Variants in MICAL1 observed in about 807,000 individuals in gnomAD.
The protein encoded by MICAL1 is [F-actin]-monooxygenase MICAL1.
MICAL1 carries 95 observed loss-of-function variants against 131.8 expected under a neutral mutation model. The observed-to-expected ratio is 0.72, with a 90% CI of 0.61 to 0.86. MICAL1 has a LOEUF of 0.86. MICAL1 is among the 40% of genes least tolerant of loss of function. MICAL1 has a pLI of 0.00. For missense variants in MICAL1, 1,292 were observed against 1,380.6 expected (o/e 0.94, Z 1.02); for synonymous variants, 546 against 554.2 (o/e 0.99, Z 0.21).
At chr6:109,462,074 CACATGTTGATGTCCTAAT>C (rs1775902038) in intron 1 of MICAL1, among the ~76,000 whole-genome samples, 1 of 152,220 alleles carries the variant, frequency 6.6e-6, no homozygotes, top group African/African-American at 2.4e-5. Context: ...ACTCCAAATT[CACATGTTGATGTCCTAAT>C]ACCCAGCATC....
In MICAL1 at chr6:109,445,892, C is replaced by T. The variant is rs781315464; in HGVS notation, c.2582-30G>A. 18 of 1,578,178 alleles carry T rather than the reference C, an allele frequency of 1.1e-5. No homozygotes were observed. In the South Asian group the frequency reaches 1.5e-4, roughly 13 times the overall value. On this transcript the variant is annotated intron_variant, in intron 19 of 24. Coordinates refer to ENST00000358807, the MANE Select transcript of MICAL1 (RefSeq NM_022765.4). Reference sequence around the variant, plus strand: ...GAAGAAGAACTGAGACGTTCTACTGCCTCCAGCGCCTGCCCCAGTCAGGCA... The same window carrying T: ...GAAGAAGAACTGAGACGTTCTACTGTCTCCAGCGCCTGCCCCAGTCAGGCA...
intron 24 of MICAL1, 70 bp downstream of exon 24, chr6:109,444,655 G>A: frequency 1.9e-6 from 3 of 1,544,104 alleles, no homozygotes; most frequent in Non-Finnish European, 2.7e-6. Context: ...TGCTTGGTCA[G>A]TATCTGAGAT....
intron 11 of MICAL1, 94 bp downstream of exon 11, chr6:109,449,306 C>G: frequency 4.4e-6 from 6 of 1,350,384 alleles, no homozygotes; most frequent in Admixed American, 1.7e-5. Flanking sequence ...GCACGCTGCT[C>G]CTGTCCTGAG....
chr6:109,449,789 G>A lies in MICAL1; in HGVS notation c.1308-6C>T, dbSNP rs1378769659. On this transcript the variant is annotated splice_polypyrimidine_tract_variant and splice_region_variant and intron_variant, in intron 9 of 24. Coordinates refer to ENST00000358807, the MANE Select transcript of MICAL1 (RefSeq NM_022765.4). Reference sequence around the variant, plus strand: ...GAAGCTGGTACAGGCTCTCACTGAGGGGGTGAGGGTAAGGGGCAGGGGCAT... The same window carrying A: ...GAAGCTGGTACAGGCTCTCACTGAGAGGGTGAGGGTAAGGGGCAGGGGCAT... 4.4e-6 allele frequency: 7 copies of A among 1,607,260 alleles called. No homozygotes were observed. In the African/African-American group the frequency reaches 6.7e-5, roughly 15 times the overall value.
chr6:109,455,994 C>G, upstream of MICAL1: 1 of 985,954 alleles, frequency 1.0e-6, no homozygotes, highest in Non-Finnish European at 1.2e-6. The surrounding 1 kb of genome is among the most constrained non-coding windows in gnomAD (Gnocchi z 4.7). Context: ...TGGGCCCGCC[C>G]ATGCCTGCAG....
At chr6:109,452,697 C>T in intron 4 of MICAL1, 82 bp from the exon 5 acceptor site, 1 of 1,018,810 alleles carries the variant, frequency 9.8e-7, no homozygotes, top group Non-Finnish European at 1.4e-6. Flanking sequence ...GTGAAATCAT[C>T]AAAACGTGTA....
At chr6:109,462,356 C>T (rs1028779931) in intron 1 of MICAL1, among the ~76,000 whole-genome samples, 1 of 152,140 alleles carries the variant, frequency 6.6e-6, no homozygotes, top group African/African-American at 2.4e-5. Flanking sequence ...ATATACCAGT[C>T]ATGAACAGAG....
intron 11 of MICAL1, 38 bp downstream of exon 11, chr6:109,449,362 C>T: frequency 6.2e-7 from 1 of 1,606,514 alleles, no homozygotes; most frequent in Non-Finnish European, 8.5e-7. Context: ...CTGGGTAGTA[C>T]ATATTTTGGT....
At chr6:109,460,894 G>A (rs1019061747) in intron 1 of MICAL1, among the ~76,000 whole-genome samples, 3 of 152,034 alleles carry the variant, frequency 2.0e-5, no homozygotes, top group Non-Finnish European at 4.4e-5. Context: ...CACTTACAGA[G>A]GCTCCTGTTA....
intron 6 of MICAL1, chr6:109,451,939 C>T (rs1472497687): frequency 2.9e-6 from 4 of 1,392,166 alleles, no homozygotes; most frequent in African/African-American, 1.5e-5. Context: ...GGGAGACCTG[C>T]ACCACCTGGT....
chr6:109,451,709 A>G lies in MICAL1; in HGVS notation c.833-9T>C. On this transcript the variant is annotated splice_polypyrimidine_tract_variant and intron_variant, in intron 6 of 24. Transcript: ENST00000358807. ...GTTCTCCAGATCAATGCCTGGGGGT[A>G]CAGGGCAGGGGACAGTAGATATGTC... 2 of 1,613,590 alleles carry G rather than the reference A, an allele frequency of 1.2e-6. No homozygotes were observed. Among genetic ancestry groups the G allele is most frequent in the Non-Finnish European group, 1.7e-6 (2 of 1,179,692 alleles).
chr6:109,453,557 T>A, intron 3 of MICAL1, 81 bp downstream of exon 3: 1 of 1,525,936 alleles, frequency 6.6e-7, no homozygotes, highest in Non-Finnish European at 8.8e-7. Context: ...ACTTCGACAT[T>A]TGGCTGTCCC....
chr6:109,465,548 T>C, intron 1 of MICAL1: 2 of 1,144,018 alleles, frequency 1.7e-6, no homozygotes, highest in South Asian at 3.0e-5. Flanking sequence ...ATTTAAACCT[T>C]ACAGAAAAAC....
Position 109,445,593 on chromosome 6 carries a change from T to G in MICAL1, c.2674-64A>C. On this transcript the variant is annotated intron_variant, in intron 20 of 24. Transcript: ENST00000358807. ...CCCCCTGGTGGATAGGAGTGTTGTT[T>G]GGAAAGGCAGAAAATAACCCGTGCT... The G allele has an allele frequency of 1.9e-6, 3 of 1,591,242 alleles. No individual in the cohort carries two copies. In the East Asian group the frequency reaches 6.7e-5, roughly 36 times the overall value.
chr6:109,451,879 A>G, intron 6 of MICAL1, 179 bp from the exon 7 acceptor site: 1 of 1,405,302 alleles, frequency 7.1e-7, no homozygotes. Context: ...CAGGCCCAGG[A>G]GGCCTGAGGA....
Position 109,449,685 on chromosome 6 carries a change from A to G in MICAL1, c.1406T>C (p.Leu469Pro), listed in dbSNP as rs755929977. 1.9e-6 allele frequency: 3 copies of G among 1,584,238 alleles called. No individual in the cohort carries two copies. Among genetic ancestry groups the G allele is most frequent in the Non-Finnish European group, 1.7e-6 (2 of 1,165,918 alleles). Residue 469 changes from leucine (L) to proline (P), a missense_variant, in exon 10 of 25, where the codon CTG (leucine) becomes CCG (proline). Coordinates refer to ENST00000358807, the MANE Select transcript of MICAL1 (RefSeq NM_022765.4). ...ATTGGGGGTCACTGCCCGGAGGTTCAGGTTGGGGTAGCGGGTGGCTGGGTC... is the reference window on the plus strand; with the variant it reads ...ATTGGGGGTCACTGCCCGGAGGTTCGGGTTGGGGTAGCGGGTGGCTGGGTC... ...GLDPATRYPN[L>P]NLRAVTPNQV...
chr6:109,455,381 A>G lies in MICAL1; in HGVS notation c.-44+338T>C, dbSNP rs1320235660. Among the ~76,000 whole-genome samples the G allele has an allele frequency of 6.6e-6, 1 of 152,134 alleles. No homozygotes were observed. Among genetic ancestry groups the G allele is most frequent in the Non-Finnish European group, 1.5e-5 (1 of 68,020 alleles). The stretch of plus-strand genomic sequence containing the variant: ...GACGGAATCTCATGACGGAAGGGCA[A>G]AGATCTTTCTTGGGGGTGGAGGGTG... On this transcript the variant is annotated intron_variant, in intron 1 of 24. Transcript: ENST00000358807. This position sits in a 1 kb window ranked among gnomAD's most constrained non-coding sequence, Gnocchi z 4.7.
upstream of MICAL1, chr6:109,455,855 G>C (rs952473664): frequency 1.0e-6 from 1 of 985,660 alleles, no homozygotes; most frequent in South Asian, 4.7e-5. The surrounding 1 kb of genome is among the most constrained non-coding windows in gnomAD (Gnocchi z 4.7). Flanking sequence ...GCGGCCCGGG[G>C]CGTGCGCCTG....
rs773873102 is a variant in MICAL1 at position 109,452,310 on chromosome 6, C to T, written c.768G>A (p.Pro256=). The change falls in exon 6 of 25, where the codon CCG becomes CCA. Residue 256 remains proline, a synonymous_variant. Transcript: ENST00000358807. ...NGRTVEETQV[P]EISGVARIYN... is the part of the protein sequence containing the mutation. ...AGATCCTGGCTACACCACTGATCTC[C>T]GGCACCTGTGTCTCCTCCACGGTGC... The T allele has an allele frequency of 3.8e-5, 61 of 1,614,140 alleles. No individual in the cohort carries two copies. The highest frequency in any genetic ancestry group is 3.4e-4 in the South Asian group (31 of 91,086).
Sources: gnomAD v4.1 joint callset for allele counts (sites outside exome capture counted in the v4.1 genomes callset) on GRCh38, gnomAD v4.1.1 for gene constraint, Gnocchi (gnomAD v3.1) non-coding constraint, MANE v1.5 for transcripts, NCBI Gene and HGNC (gene_info 2026-07-23, HGNC 2026-07-21) for gene names.